The following TAS2R1 variants were observed in gnomAD, a reference collection of about 807,000 sequenced individuals.
The protein encoded by TAS2R1 is taste receptor type 2 member 1.
For synonymous variants in TAS2R1, 141 were observed against 134.2 expected (o/e 1.05, Z -0.35); for missense variants, 370 against 353.4 (o/e 1.05, Z -0.38).
chr5:9,821,873 T>C, the TAS2R1 span, among the ~76,000 whole-genome samples: 2 of 152,222 alleles, frequency 1.3e-5, no homozygotes, highest in Admixed American at 1.3e-4. Context: ...TGGGGAAAGA[T>C]ATTAAAATCA....
the TAS2R1 span, among the ~76,000 whole-genome samples, chr5:9,800,995 C>T: frequency 6.6e-6 from 1 of 152,190 alleles, no homozygotes; most frequent in African/African-American, 2.4e-5. Context: ...AGTTTGAGAA[C>T]AGCCTTGTAA....
intron 1 of TAS2R1, among the ~76,000 whole-genome samples, chr5:9,672,599 TA>T (rs1159303719): frequency 6.6e-6 from 1 of 152,048 alleles, no homozygotes; most frequent in Admixed American, 6.6e-5. Flanking sequence ...CTCACACCAG[TA>T]AAAATGGCTA....
the TAS2R1 span, among the ~76,000 whole-genome samples, chr5:9,845,384 G>C: frequency 6.6e-6 from 1 of 152,142 alleles, no homozygotes; most frequent in South Asian, 2.1e-4. Flanking sequence ...GTAGAATCTA[G>C]ATATGTTGCA....
chr5:9,827,688 T>C, the TAS2R1 span, among the ~76,000 whole-genome samples: 1 of 151,950 alleles, frequency 6.6e-6, no homozygotes, highest in African/African-American at 2.4e-5. Context: ...GAGGCTGAAG[T>C]GGGACTATCA....
At chr5:9,868,882 T>G in the TAS2R1 span, among the ~76,000 whole-genome samples, 1 of 152,320 alleles carries the variant, frequency 6.6e-6, no homozygotes, top group East Asian at 1.9e-4. Flanking sequence ...ACCAGTCTCT[T>G]TGCCTAGCTA....
chr5:9,670,560 A>G (rs929674951), intron 1 of TAS2R1, among the ~76,000 whole-genome samples: 36 of 152,306 alleles, frequency 2.4e-4, no homozygotes, highest in Non-Finnish European at 5.1e-4. Flanking sequence ...TGCCCACTTC[A>G]TGAATCATTC....
chr5:9,816,139 C>T, the TAS2R1 span, among the ~76,000 whole-genome samples: 3 of 152,024 alleles, frequency 2.0e-5, no homozygotes, highest in Non-Finnish European at 4.4e-5. Context: ...CATGAGTTTC[C>T]ATTAAAAAGT....
At chr5:9,706,864 G>A (rs375260029) in intron 1 of TAS2R1, among the ~76,000 whole-genome samples, 31 of 152,316 alleles carry the variant, frequency 2.0e-4, no homozygotes, top group South Asian at 1.2e-3. Flanking sequence ...CCACTCCCCC[G>A]ACAGGGCAGG....
At chr5:9,729,191 G>C in the TAS2R1 span, among the ~76,000 whole-genome samples, 3 of 152,212 alleles carry the variant, frequency 2.0e-5, no homozygotes, top group Non-Finnish European at 4.4e-5. Flanking sequence ...TGCTTAGCAG[G>C]GGGGCAGTTT....
At chr5:9,778,175 C>T in the TAS2R1 span, among the ~76,000 whole-genome samples, 48 of 150,796 alleles carry the variant, frequency 3.2e-4, no homozygotes, top group African/African-American at 9.5e-4. Context: ...CCACCACGCC[C>T]GGCGGGAGGC....
At chr5:9,895,760 CA>C in the TAS2R1 span, among the ~76,000 whole-genome samples, 4 of 152,324 alleles carry the variant, frequency 2.6e-5, no homozygotes, top group Admixed American at 1.3e-4. Flanking sequence ...TTATCACAGA[CA>C]GTGCAATATT....
At chr5:9,791,689 A>G in the TAS2R1 span, among the ~76,000 whole-genome samples, 2 of 151,964 alleles carry the variant, frequency 1.3e-5, no homozygotes, top group Non-Finnish European at 2.9e-5. Flanking sequence ...ATGAAGCAAG[A>G]CTCCATCTAA....
intron 1 of TAS2R1, among the ~76,000 whole-genome samples, chr5:9,687,655 A>G (rs547349999): frequency 2.6e-5 from 4 of 151,998 alleles, no homozygotes; most frequent in Non-Finnish European, 5.9e-5. Flanking sequence ...CTCCCGTCAG[A>G]GGAAAGAAGA....
the TAS2R1 span, among the ~76,000 whole-genome samples, chr5:9,882,065 A>G: frequency 6.6e-6 from 1 of 152,266 alleles, no homozygotes; most frequent in African/African-American, 2.4e-5. Flanking sequence ...ATCAGAGTGA[A>G]CAGACAACCT....
At chr5:9,701,935 A>T (rs1326844026) in intron 1 of TAS2R1, among the ~76,000 whole-genome samples, 1 of 152,212 alleles carries the variant, frequency 6.6e-6, no homozygotes, top group East Asian at 1.9e-4. Context: ...GAGTGAGATT[A>T]ATGTGATGTA....
At chr5:9,853,583 G>T in the TAS2R1 span, among the ~76,000 whole-genome samples, 1 of 152,102 alleles carries the variant, frequency 6.6e-6, no homozygotes. Context: ...CCTCTTCCCT[G>T]ATTCAGCCAG....
chr5:9,699,221 A>G (rs1369372503), intron 1 of TAS2R1, among the ~76,000 whole-genome samples: 1 of 152,242 alleles, frequency 6.6e-6, no homozygotes, highest in Non-Finnish European at 1.5e-5. Context: ...TAGAATATCT[A>G]TTTCATGTAA....
At chr5:9,700,761 A>C (rs1246182541) in intron 1 of TAS2R1, among the ~76,000 whole-genome samples, 4 of 152,134 alleles carry the variant, frequency 2.6e-5, no homozygotes, top group Non-Finnish European at 4.4e-5. Context: ...CCTGTAGATG[A>C]CCGTCTTCTC....
the TAS2R1 span, among the ~76,000 whole-genome samples, chr5:9,817,515 TG>T: frequency 6.0e-4 from 92 of 152,266 alleles, 1 homozygote; most frequent in South Asian, 9.5e-3. Context: ...GGGTTTCTTT[TG>T]GGGGTGAGGG....
Sources: allele counts gnomAD v4.1 joint callset (sites outside exome capture counted in the v4.1 genomes callset), GRCh38; gene constraint gnomAD v4.1.1; transcripts MANE v1.5; gene names NCBI Gene and HGNC (gene_info 2026-07-23, HGNC 2026-07-21).